Variants in SOX5 observed in about 807,000 individuals in gnomAD.
SOX5 encodes SRY-box transcription factor 5.
Under a neutral mutation model 92.0 loss-of-function variants are expected in SOX5, and 9 were observed. That is an observed-to-expected ratio of 0.10 (90% confidence interval 0.06 to 0.17). The LOEUF (loss-of-function observed/expected upper bound fraction) is 0.17, where lower values mean the gene tolerates loss of function less well. Among genes scored for constraint, SOX5 ranks in the 10% least tolerant of loss-of-function variants. The pLI, the probability that SOX5 is intolerant of heterozygous loss-of-function variation, is 1.00. For synonymous variants in SOX5, 344 were observed against 336.3 expected (o/e 1.02, Z -0.25); for missense variants, 642 against 944.5 (o/e 0.68, Z 4.20).
At position 24,517,193 on chromosome 12, in the gene SOX5, C is replaced by T. The variant is rs1354130637; in HGVS notation, c.-251+45136G>A. Among the ~76,000 whole-genome samples the T allele has an allele frequency of 2.0e-5, 3 of 152,236 alleles. No individual in the cohort carries two copies. In the East Asian group the frequency reaches 5.8e-4, roughly 29 times the overall value. The stretch of plus-strand genomic sequence containing the variant: ...GGTTGCAATATGCAATTCTATCCCC[C>T]TTTCCCTTGCTGCCTCTTGACCAAA... On this transcript the variant is annotated intron_variant, in intron 1 of 4. Coordinates refer to the SOX5 transcript ENST00000446891.
intron 1 of SOX5, among the ~76,000 whole-genome samples, chr12:24,478,973 T>C (rs1945680025): frequency 6.6e-6 from 1 of 152,226 alleles, no homozygotes; most frequent in African/African-American, 2.4e-5. Context: ...ACTCCTATTA[T>C]CTGGTTCCAA....
intron 1 of SOX5, among the ~76,000 whole-genome samples, chr12:24,554,498 C>A (rs576791422): frequency 1.3e-5 from 2 of 152,272 alleles, no homozygotes; most frequent in African/African-American, 4.8e-5. Context: ...GGCACAGATT[C>A]CCTAGAGGAG....
intron 4 of SOX5, among the ~76,000 whole-genome samples, chr12:24,019,798 A>G (rs1490002690): frequency 6.6e-6 from 1 of 152,226 alleles, no homozygotes; most frequent in Non-Finnish European, 1.5e-5. Context: ...AACTTGGTGA[A>G]CTGAAGCTCC....
At chr12:23,835,130 C>G (rs1312614683) in intron 3 of SOX5, among the ~76,000 whole-genome samples, 1 of 151,804 alleles carries the variant, frequency 6.6e-6, no homozygotes, top group African/African-American at 2.4e-5. Context: ...ACACAAGACA[C>G]TGAGGGATAG....
At chr12:23,961,918 A>T (rs1375141593) in intron 4 of SOX5, among the ~76,000 whole-genome samples, 1 of 152,200 alleles carries the variant, frequency 6.6e-6, no homozygotes, top group East Asian at 1.9e-4. Flanking sequence ...AAGAAGAGAG[A>T]TTAAAACAGA....
chr12:23,692,632 A>G (rs2089073912), intron 6 of SOX5, among the ~76,000 whole-genome samples: 1 of 152,190 alleles, frequency 6.6e-6, no homozygotes, highest in Non-Finnish European at 1.5e-5. Context: ...GTTTCTAAAT[A>G]CTTATCTTCT....
chr12:24,210,402 A>G (rs917202640), intron 4 of SOX5, among the ~76,000 whole-genome samples: 23 of 152,186 alleles, frequency 1.5e-4, no homozygotes, highest in African/African-American at 5.6e-4. Flanking sequence ...TACTAAATTG[A>G]TTTGTTTCAA....
At chr12:23,576,870 T>C (rs1252920573) in intron 9 of SOX5, among the ~76,000 whole-genome samples, 1 of 151,946 alleles carries the variant, frequency 6.6e-6, no homozygotes, top group African/African-American at 2.4e-5. Flanking sequence ...ACGTTTACAA[T>C]ATATCTAATT....
At chr12:23,794,765 G>A (rs1176566754) in intron 3 of SOX5, among the ~76,000 whole-genome samples, 1 of 152,020 alleles carries the variant, frequency 6.6e-6, no homozygotes, top group Non-Finnish European at 1.5e-5. Flanking sequence ...TGATACAACA[G>A]CTGATTACCT....
chr12:23,966,203 CAAAAAAAAAAAAAAAAAAAAAA>C (rs869143890), intron 4 of SOX5, among the ~76,000 whole-genome samples: 15 of 57,336 alleles, frequency 2.6e-4, no homozygotes, highest in Admixed American at 1.0e-3. Context: ...ACTCAATATC[CAAAAAAAAAAAAAAAAAAAAAA>C]AAAAAAAAAA....
At chr12:23,540,970 A>G (rs1400740910) in intron 13 of SOX5, among the ~76,000 whole-genome samples, 3 of 140,866 alleles carry the variant, frequency 2.1e-5, no homozygotes, top group Non-Finnish European at 4.6e-5. Context: ...AAGATCACTT[A>G]TTTATTTAAA....
At chr12:24,528,750 T>C (rs772227142) in intron 1 of SOX5, among the ~76,000 whole-genome samples, 1 of 152,202 alleles carries the variant, frequency 6.6e-6, no homozygotes, top group Non-Finnish European at 1.5e-5. Flanking sequence ...CCTCAGTGGA[T>C]CTAGAGGAAG....
Position 24,312,872 on chromosome 12 carries a change from C to T in SOX5, c.-173-35560G>A, listed in dbSNP as rs561939051. On this transcript the variant is annotated intron_variant, in intron 2 of 4. Coordinates refer to the SOX5 transcript ENST00000446891. Reference sequence around the variant, plus strand: ...TCACTGCTTGCACGCTTATTGTATTCCAGTGCTTTTCTGTACTACTTTTTC... The same window carrying T: ...TCACTGCTTGCACGCTTATTGTATTTCAGTGCTTTTCTGTACTACTTTTTC... 3.9e-5 allele frequency among the ~76,000 whole-genome samples: 6 copies of T among 152,282 alleles called. 1 individual carries two copies. Among genetic ancestry groups the T allele is most frequent in the African/African-American group, 1.4e-4 (6 of 41,570 alleles).
At position 23,603,010 on chromosome 12, in the gene SOX5, T is replaced by A. The variant is rs528040885; in HGVS notation, c.1164+1377A>T. Among the ~76,000 whole-genome samples, 16 of 152,248 alleles carry A rather than the reference T, an allele frequency of 1.1e-4. No homozygotes were observed. In the East Asian group the frequency reaches 2.9e-3, roughly 28 times the overall value. ...ATACTCCTACTGTCAATGTAGTGTG[T>A]ACAATAATTTTCATTAAATATTTCT... On this transcript the variant is annotated intron_variant, in intron 9 of 14. Transcript: ENST00000451604.
chr12:23,986,824 T>A (rs1498867), intron 4 of SOX5, among the ~76,000 whole-genome samples: 1 of 151,972 alleles, frequency 6.6e-6, no homozygotes, highest in Non-Finnish European at 1.5e-5. Flanking sequence ...AGAGGTTTGT[T>A]TTATAGATTT....
chr12:23,827,480 A>C (rs758498970), intron 3 of SOX5, among the ~76,000 whole-genome samples: 2 of 152,234 alleles, frequency 1.3e-5, no homozygotes, highest in Non-Finnish European at 2.9e-5. Context: ...CACACAGTAA[A>C]CACACCAAAC....
intron 4 of SOX5, among the ~76,000 whole-genome samples, chr12:23,978,163 C>A (rs1003838125): frequency 6.6e-6 from 1 of 152,146 alleles, no homozygotes; most frequent in African/African-American, 2.4e-5. Context: ...TAAACCACTG[C>A]AAAATTTGCC....
At chr12:24,118,488 C>T (rs545849913) in intron 4 of SOX5, among the ~76,000 whole-genome samples, 2 of 152,030 alleles carry the variant, frequency 1.3e-5, no homozygotes, top group South Asian at 4.2e-4. Flanking sequence ...CTCAATGACA[C>T]AATCATAGAC....
intron 2 of SOX5, among the ~76,000 whole-genome samples, chr12:23,870,744 G>A (rs922442225): frequency 6.6e-6 from 1 of 151,144 alleles, no homozygotes; most frequent in Non-Finnish European, 1.5e-5. Context: ...ATTCTAAATT[G>A]GATTTGTGCC....
Sources: gnomAD v4.1 joint callset for allele counts (sites outside exome capture counted in the v4.1 genomes callset) on GRCh38, gnomAD v4.1.1 for gene constraint, MANE v1.5 for transcripts, NCBI Gene and HGNC (gene_info 2026-07-23, HGNC 2026-07-21) for gene names.